Variants in GABRB2 observed in about 807,000 individuals in gnomAD.
The protein encoded by GABRB2 is gamma-aminobutyric acid receptor subunit beta-2.
GABRB2 carries 16 observed loss-of-function variants against 54.7 expected under a neutral mutation model. The ratio of observed to expected loss-of-function variants is 0.29; its 90% confidence interval spans 0.20 to 0.44. The LOEUF (loss-of-function observed/expected upper bound fraction) is 0.44, where lower values mean the gene tolerates loss of function less well. Among genes scored for constraint, GABRB2 ranks in the 20% least tolerant of loss-of-function variants. The pLI is 1.00. For missense variants in GABRB2, 355 were observed against 644.0 expected (o/e 0.55, Z 4.86); for synonymous variants, 244 against 233.8 (o/e 1.04, Z -0.40).
At chr5:161,333,493 A>C (rs1008505945) in intron 7 of GABRB2, among the ~76,000 whole-genome samples, 2 of 152,226 alleles carry the variant, frequency 1.3e-5, no homozygotes, top group African/African-American at 4.8e-5. Context: ...CACATAATTT[A>C]ATTTTAACCC....
intron 9 of GABRB2, among the ~76,000 whole-genome samples, chr5:161,318,836 T>C (rs1201180029): frequency 6.6e-6 from 1 of 151,998 alleles, no homozygotes; most frequent in Non-Finnish European, 1.5e-5. Flanking sequence ...AAATTTTACC[T>C]TTAAAAAATA....
intron 5 of GABRB2, among the ~76,000 whole-genome samples, chr5:161,367,749 TACC>T (rs1755011529): frequency 1.3e-5 from 2 of 152,172 alleles, no homozygotes; most frequent in South Asian, 2.1e-4. Context: ...CAAAAAATGT[TACC>T]ACATGTTCCA....
At chr5:161,298,747 C>T (rs552303103) in intron 9 of GABRB2, among the ~76,000 whole-genome samples, 8 of 152,278 alleles carry the variant, frequency 5.3e-5, no homozygotes, top group Admixed American at 2.0e-4. Flanking sequence ...ATATCAGATG[C>T]CCCTTTTTAA....
intron 3 of GABRB2, among the ~76,000 whole-genome samples, chr5:161,502,741 G>A (rs1452696941): frequency 1.7e-4 from 26 of 152,140 alleles, no homozygotes; most frequent in Non-Finnish European, 1.5e-4. Flanking sequence ...CCTTGGCTAG[G>A]AAGAAAAAAG....
At chr5:161,370,386 G>A (rs1312139242) in intron 5 of GABRB2, among the ~76,000 whole-genome samples, 1 of 152,182 alleles carries the variant, frequency 6.6e-6, no homozygotes. Context: ...TTCTGCAGAA[G>A]TAGAGTTGAA....
intron 4 of GABRB2, among the ~76,000 whole-genome samples, chr5:161,425,986 T>C (rs1013099739): frequency 4.6e-5 from 7 of 152,140 alleles, no homozygotes; most frequent in African/African-American, 1.7e-4. Flanking sequence ...GTAGTATTAC[T>C]TACAGTATTT....
At chr5:161,397,633 G>T (rs527483533) in intron 5 of GABRB2, among the ~76,000 whole-genome samples, 45 of 152,150 alleles carry the variant, frequency 3.0e-4, no homozygotes, top group Non-Finnish European at 5.9e-4. Flanking sequence ...CCGATTTATG[G>T]ATATTATGCT....
At chr5:161,514,176 T>G (rs940618607) in intron 3 of GABRB2, among the ~76,000 whole-genome samples, 5 of 152,148 alleles carry the variant, frequency 3.3e-5, no homozygotes, top group African/African-American at 1.2e-4. Flanking sequence ...GTTACAAATG[T>G]GTTTGCTGAT....
At chr5:161,503,227 AATAAG>A (rs1347145098) in intron 3 of GABRB2, among the ~76,000 whole-genome samples, 2 of 152,060 alleles carry the variant, frequency 1.3e-5, no homozygotes, top group Admixed American at 6.6e-5. Context: ...GGATGTGTAT[AATAAG>A]ATAACAGATG....
At chr5:161,382,227 A>G (rs13184160) in intron 5 of GABRB2, among the ~76,000 whole-genome samples, 12,337 of 152,220 alleles carry the variant, frequency 0.081, 621 homozygotes, top group African/African-American at 0.14. Flanking sequence ...AGTTCCCTCC[A>G]GTCCCAGGAA....
intron 3 of GABRB2, among the ~76,000 whole-genome samples, chr5:161,536,834 G>A (rs1050659446): frequency 6.6e-6 from 1 of 152,030 alleles, no homozygotes; most frequent in Non-Finnish European, 1.5e-5. Flanking sequence ...CTGACCTCAG[G>A]TGATTCACCC....
chr5:161,518,339 T>G (rs1417246187), intron 3 of GABRB2, among the ~76,000 whole-genome samples: 1 of 152,134 alleles, frequency 6.6e-6, no homozygotes, highest in East Asian at 1.9e-4. Context: ...TTTCAATCCA[T>G]CTCCCAAGTG....
intron 9 of GABRB2, 120 bp downstream of exon 9, chr5:161,326,248 C>A: frequency 7.2e-7 from 1 of 1,379,552 alleles, no homozygotes; most frequent in Non-Finnish European, 9.8e-7. Context: ...ATCCCCAAGA[C>A]TCTGTGGATA....
chr5:161,526,533 G>A (rs2113444247), intron 3 of GABRB2, among the ~76,000 whole-genome samples: 1 of 151,212 alleles, frequency 6.6e-6, no homozygotes, highest in South Asian at 2.1e-4. Flanking sequence ...GACACAGCAT[G>A]TGCTGATGAT....
At chr5:161,494,065 T>G (rs1014527707) in intron 3 of GABRB2, among the ~76,000 whole-genome samples, 1 of 151,740 alleles carries the variant, frequency 6.6e-6, no homozygotes, top group Non-Finnish European at 1.5e-5. Context: ...AAAATCCTAT[T>G]TAATATGGTA....
At chr5:161,345,791 C>G (rs971847782) in intron 5 of GABRB2, among the ~76,000 whole-genome samples, 2 of 152,082 alleles carry the variant, frequency 1.3e-5, no homozygotes, top group African/African-American at 2.4e-5. Context: ...TAGTCTTCCC[C>G]TCTAGACTAT....
intron 4 of GABRB2, among the ~76,000 whole-genome samples, chr5:161,424,737 T>A (rs912054631): frequency 2.0e-5 from 3 of 152,130 alleles, no homozygotes; most frequent in African/African-American, 7.2e-5. Flanking sequence ...GACTTCCAAG[T>A]CTCATTATTT....
intron 5 of GABRB2, among the ~76,000 whole-genome samples, chr5:161,351,641 CA>C (rs1345055414): frequency 5.9e-5 from 9 of 151,918 alleles, no homozygotes; most frequent in African/African-American, 1.7e-4. Context: ...TTGGTCTGGG[CA>C]ATAATTTTTG....
At chr5:161,478,214 T>C (rs905117981) in intron 3 of GABRB2, among the ~76,000 whole-genome samples, 1 of 151,994 alleles carries the variant, frequency 6.6e-6, no homozygotes. Flanking sequence ...AAAAATTAAC[T>C]TGGAATACAT....
Sources: allele counts gnomAD v4.1 joint callset (sites outside exome capture counted in the v4.1 genomes callset), GRCh38; gene constraint gnomAD v4.1.1; transcripts MANE v1.5; gene names NCBI Gene and HGNC (gene_info 2026-07-23, HGNC 2026-07-21).